LATS1: variants seen among roughly 807,000 people sequenced by gnomAD.
The protein encoded by LATS1 is large tumor suppressor kinase 1.
LATS1 carries 25 observed loss-of-function variants against 106.6 expected under a neutral mutation model. The observed-to-expected ratio is 0.23, with a 90% CI of 0.17 to 0.33. LATS1 has a LOEUF of 0.33. Among genes scored for constraint, LATS1 ranks in the 10% least tolerant of loss-of-function variants. LATS1 has a pLI of 1.00. For missense variants in LATS1, 1,040 were observed against 1,382.6 expected (o/e 0.75, Z 3.93); for synonymous variants, 465 against 455.6 (o/e 1.02, Z -0.26).
intron 2 of LATS1, among the ~76,000 whole-genome samples, chr6:149,699,566 A>G (rs1268507745): frequency 1.3e-5 from 2 of 152,304 alleles, no homozygotes; most frequent in African/African-American, 2.4e-5. Context: ...CAATAAAGCA[A>G]TCTTGTGACA....
chr6:149,665,474 T>C (rs1036173613), intron 7 of LATS1, among the ~76,000 whole-genome samples: 3 of 152,142 alleles, frequency 2.0e-5, no homozygotes, highest in South Asian at 4.1e-4. Context: ...GATGCAGTTA[T>C]GAGATATTGG....
intron 1 of LATS1, among the ~76,000 whole-genome samples, chr6:149,710,318 G>A (rs1313889956): frequency 6.6e-6 from 1 of 152,142 alleles, no homozygotes; most frequent in East Asian, 1.9e-4. Flanking sequence ...ACTCTTCGTC[G>A]ACACTGGAAG....
chr6:149,682,091 AC>A (rs1782066032), intron 4 of LATS1, among the ~76,000 whole-genome samples: 1 of 67,820 alleles, frequency 1.5e-5, no homozygotes, highest in South Asian at 5.8e-4. Context: ...CAGCCTGGCG[AC>A]AGAGTGAGAT....
At position 149,660,741 on chromosome 6, in the gene LATS1, C is replaced by A. The variant is rs964013250; in HGVS notation, c.*988G>T. The stretch of plus-strand genomic sequence containing the variant: ...GCCATCTTAAGAGTTAATTTTTTCA[C>A]CAATTAATCTGCGCTTAGGTAAAAT... On this transcript the variant is annotated 3_prime_UTR_variant, in exon 8 of 8. Coordinates refer to ENST00000543571, the MANE Select transcript of LATS1 (RefSeq NM_004690.4). 1 of 227,610 alleles carries A rather than the reference C, an allele frequency of 4.4e-6. No individual in the cohort carries two copies. The highest frequency in any genetic ancestry group is 8.7e-6 in the Non-Finnish European group (1 of 114,664). 14.1% of individuals were successfully genotyped at this position (227,610 alleles called of 1,614,324 possible).
chr6:149,658,777 C>A lies in LATS1; in HGVS notation c.*2952G>T, dbSNP rs1054925755. 2 of 152,118 alleles carry A rather than the reference C, an allele frequency of 1.3e-5. No individual in the cohort carries two copies. The highest frequency in any genetic ancestry group is 4.8e-5 in the African/African-American group (2 of 41,416). 9.4% of individuals were successfully genotyped at this position (152,118 alleles called of 1,614,324 possible). On this transcript the variant is annotated 3_prime_UTR_variant, in exon 8 of 8. Transcript: ENST00000543571. ...TACAAATAAGAAGGTAGAAAAGATA[C>A]AGCAGTAGGGCCTGCCTTATGATGT...
At chr6:149,704,926 AC>A (rs1225191569) in intron 1 of LATS1, among the ~76,000 whole-genome samples, 9 of 147,538 alleles carry the variant, frequency 6.1e-5, no homozygotes, top group South Asian at 2.1e-4. Context: ...ACACACACAC[AC>A]AATTTGCAGC....
intron 3 of LATS1, among the ~76,000 whole-genome samples, chr6:149,688,283 A>G (rs1055095768): frequency 6.6e-6 from 1 of 151,648 alleles, no homozygotes; most frequent in Non-Finnish European, 1.5e-5. Context: ...CTTTTTATTC[A>G]TTCATTAAAT....
At chr6:149,687,360 G>C (rs1383013277) in intron 3 of LATS1, among the ~76,000 whole-genome samples, 2 of 152,026 alleles carry the variant, frequency 1.3e-5, no homozygotes, top group African/African-American at 4.8e-5. Context: ...CAAAGTGTTG[G>C]GATTACAGGC....
intron 3 of LATS1, among the ~76,000 whole-genome samples, chr6:149,687,354 G>A (rs1342146564): frequency 2.0e-5 from 3 of 152,142 alleles, no homozygotes; most frequent in Admixed American, 2.0e-4. Context: ...GCATCCCAAA[G>A]TGTTGGGATT....
rs577342705 is a variant in LATS1, at chr6:149,674,467, G to C, written c.2883+1793C>G. ...TATGGCTCACTGCAACGTCTCCTAG[G>C]CTCCAGTGACCCTCCAACCTTAGCC... On this transcript the variant is annotated intron_variant, in intron 7 of 7. Coordinates refer to ENST00000543571, the MANE Select transcript of LATS1 (RefSeq NM_004690.4). Among the ~76,000 whole-genome samples the C allele has an allele frequency of 2.0e-5, 3 of 152,212 alleles. No homozygotes were observed. The South Asian group carries it at 6.2e-4, about 32-fold the overall frequency.
intron 1 of LATS1, among the ~76,000 whole-genome samples, chr6:149,714,221 C>T (rs909467751): frequency 6.6e-6 from 1 of 152,184 alleles, no homozygotes; most frequent in Non-Finnish European, 1.5e-5. Context: ...ATCCACACAC[C>T]TCAGCCTCCC....
At chr6:149,703,679 C>T (rs1351532424) in intron 1 of LATS1, among the ~76,000 whole-genome samples, 1 of 151,804 alleles carries the variant, frequency 6.6e-6, no homozygotes, top group Non-Finnish European at 1.5e-5. Flanking sequence ...GCCTGGGCAA[C>T]ATAGGGAGAC....
At chr6:149,669,731 C>T (rs1582846053) in intron 7 of LATS1, among the ~76,000 whole-genome samples, 1 of 151,684 alleles carries the variant, frequency 6.6e-6, no homozygotes, top group Admixed American at 6.6e-5. Flanking sequence ...TGCACTCCAG[C>T]GTGGGCGACA....
intron 7 of LATS1, among the ~76,000 whole-genome samples, chr6:149,665,931 C>T (rs1404484495): frequency 6.6e-6 from 1 of 151,794 alleles, no homozygotes; most frequent in African/African-American, 2.4e-5. Context: ...CACCTGAGGT[C>T]AGGAGTTTGA....
chr6:149,704,717 G>C (rs1415309129), intron 1 of LATS1, among the ~76,000 whole-genome samples: 1 of 151,940 alleles, frequency 6.6e-6, no homozygotes, highest in African/African-American at 2.4e-5. Flanking sequence ...CTGGGTTCAA[G>C]TGCTCAGGTA....
chr6:149,680,890 A>G (rs540006571), intron 4 of LATS1, among the ~76,000 whole-genome samples: 3 of 152,276 alleles, frequency 2.0e-5, no homozygotes, highest in Admixed American at 2.0e-4. Context: ...CATGAAAAAA[A>G]ATTCTTCCAC....
rs74929633 is a variant in LATS1 at position 149,684,603 on chromosome 6, A to G, written c.497-11T>C. 7,348 of 1,502,244 alleles carry G rather than the reference A, an allele frequency of 4.9e-3. 282 individuals are homozygous for G. The African/African-American group carries it at 0.087, about 18-fold the overall frequency. The allele number at this position is 1,502,244 out of a possible 1,614,324, so 93.1% of individuals were successfully genotyped here. ...ATTGCTGCACATTCCCTATGGTTAT[A>G]AGAGAGATAAAGAGAAAAAAGAATC... On this transcript the variant is annotated splice_polypyrimidine_tract_variant and intron_variant, in intron 3 of 7. Coordinates refer to ENST00000543571, the MANE Select transcript of LATS1 (RefSeq NM_004690.4).
In LATS1 at chr6:149,702,024, G is replaced by A; in HGVS notation, c.103C>T (p.Arg35Trp). ...VSSRQMLQEIRESLRNLSKPS... is the reference protein window; with the variant it reads ...VSSRQMLQEIWESLRNLSKPS... ...TTAGATAAATTCCTAAGGGATTCCC[G>A]AATTTCTTGTAACATTTGCCGGCTA... Residue 35 changes from arginine (R) to tryptophan (W), a missense_variant, in exon 2 of 8, where the codon CGG becomes TGG. By Grantham distance (101) the Arg-to-Trp change is moderately radical. This residue lies in a region of LATS1 where 624 missense variants were observed against 714.8 expected (regional missense o/e 0.87). Coordinates refer to ENST00000543571, the MANE Select transcript of LATS1 (RefSeq NM_004690.4). 1.9e-6 allele frequency: 3 copies of A among 1,614,062 alleles called. No individual in the cohort carries two copies. Among genetic ancestry groups the A allele is most frequent in the South Asian group, 1.1e-5 (1 of 91,070 alleles).
intron 2 of LATS1, among the ~76,000 whole-genome samples, chr6:149,700,514 G>A (rs1275791022): frequency 6.6e-6 from 1 of 151,854 alleles, no homozygotes; most frequent in Non-Finnish European, 1.5e-5. Context: ...TTCTAGTTTA[G>A]TTGTAAATCT....
Sources: gnomAD v4.1 joint callset for allele counts (sites outside exome capture counted in the v4.1 genomes callset) on GRCh38, gnomAD v4.1.1 for gene constraint, gnomAD v4.1.1 regional missense constraint, MANE v1.5 for transcripts, NCBI Gene and HGNC (gene_info 2026-07-23, HGNC 2026-07-21) for gene names.